C11orf65: variants seen among roughly 807,000 people sequenced by gnomAD.
C11orf65 encodes protein MFI.
A neutral mutation model predicts 35.3 loss-of-function variants in C11orf65; 38 were observed. That is an observed-to-expected ratio of 1.08 (90% CI 0.83 to 1.41). C11orf65 has a LOEUF of 1.41. Among genes scored for constraint, C11orf65 ranks in the 40% most tolerant of loss-of-function variants. The pLI, the probability that C11orf65 is intolerant of heterozygous loss-of-function variation, is 0.00. For synonymous variants in C11orf65, 105 were observed against 114.4 expected (o/e 0.92, Z 0.53); for missense variants, 370 against 367.1 (o/e 1.01, Z -0.06).
At chr11:108,332,127 G>A in intron 3 of C11orf65, 1 of 1,521,750 alleles carries the variant, frequency 6.6e-7, no homozygotes, top group Non-Finnish European at 8.9e-7. Flanking sequence ...TTATTAAGAT[G>A]CCATCTAAAA....
intron 6 of C11orf65, chr11:108,325,447 A>T (rs35118109): frequency 6.2e-7 from 1 of 1,613,838 alleles, no homozygotes; most frequent in Admixed American, 1.7e-5. Flanking sequence ...CTGATGGAAA[A>T]GGAAATGGAC....
At chr11:108,351,917 C>T (rs1044665832) in intron 2 of C11orf65, among the ~76,000 whole-genome samples, 20 of 152,056 alleles carry the variant, frequency 1.3e-4, no homozygotes, top group Non-Finnish European at 2.1e-4. Flanking sequence ...TGGACATATC[C>T]GGGGAACCTG....
At chr11:108,427,658 C>T (rs2092922991) in intron 3 of C11orf65, among the ~76,000 whole-genome samples, 1 of 111,804 alleles carries the variant, frequency 8.9e-6, no homozygotes, top group Non-Finnish European at 1.7e-5. Context: ...GGAGGCGGAG[C>T]TTGCAGTGAG....
At chr11:108,448,555 T>A (rs1039438562) in intron 2 of C11orf65, among the ~76,000 whole-genome samples, 2 of 152,042 alleles carry the variant, frequency 1.3e-5, no homozygotes, top group Non-Finnish European at 2.9e-5. Context: ...CTCAATAGAT[T>A]CAGAAAAGGC....
chr11:108,453,652 G>A (rs550996174), intron 2 of C11orf65, among the ~76,000 whole-genome samples: 1 of 152,270 alleles, frequency 6.6e-6, no homozygotes, highest in African/African-American at 2.4e-5. Flanking sequence ...TAAAATATAC[G>A]AAATATCTAT....
At chr11:108,386,959 T>C (rs757884155) in intron 7 of C11orf65, among the ~76,000 whole-genome samples, 1 of 151,670 alleles carries the variant, frequency 6.6e-6, no homozygotes, top group African/African-American at 2.4e-5. Context: ...TGCATGCCTG[T>C]AGTTTCAGCT....
At chr11:108,437,110 A>AAAAGG (rs35610227) in intron 2 of C11orf65, among the ~76,000 whole-genome samples, 6 of 101,916 alleles carry the variant, frequency 5.9e-5, no homozygotes, top group South Asian at 3.7e-4. Flanking sequence ...AAAAAAAAAA[A>AAAAGG]GGGGGGGGGT....
chr11:108,354,300 A>G (rs1002713284), intron 2 of C11orf65, among the ~76,000 whole-genome samples: 2 of 152,114 alleles, frequency 1.3e-5, no homozygotes, highest in African/African-American at 4.8e-5. Flanking sequence ...TTTACTTTTA[A>G]CACCTCTATC....
intron 3 of C11orf65, among the ~76,000 whole-genome samples, chr11:108,421,839 C>A (rs1340601928): frequency 2.0e-5 from 3 of 152,226 alleles, no homozygotes; most frequent in Non-Finnish European, 2.9e-5. Context: ...CTGCTTTCTT[C>A]AAGTTTAGTA....
At chr11:108,311,703 CAAAA>C (rs1215790496) in intron 6 of C11orf65, among the ~76,000 whole-genome samples, 1 of 114,288 alleles carries the variant, frequency 8.7e-6, no homozygotes, top group Non-Finnish European at 1.9e-5. Context: ...ATCTCATAAA[CAAAA>C]AAAAAAAAAT....
At chr11:108,361,522 G>GCAT (rs1422060579) in intron 2 of C11orf65, among the ~76,000 whole-genome samples, 1 of 151,984 alleles carries the variant, frequency 6.6e-6, no homozygotes, top group Non-Finnish European at 1.5e-5. Context: ...AAAGCTGGAG[G>GCAT]CATCACACTA....
intron 3 of C11orf65, among the ~76,000 whole-genome samples, chr11:108,421,299 GGA>G (rs1441114038): frequency 1.3e-5 from 2 of 152,160 alleles, no homozygotes; most frequent in Non-Finnish European, 2.9e-5. Flanking sequence ...GTGATGGCAT[GGA>G]GAGGTGTGAA....
chr11:108,365,433 G>C lies in C11orf65; in HGVS notation c.226+27775C>G, dbSNP rs1565609478. On this transcript the variant is annotated intron_variant, in intron 2 of 3. Coordinates refer to the C11orf65 transcript ENST00000524755. ...CTGTGCTCAGTGTTGGTGGACAAGT[G>C]AATTTGCTCATACAGCAGGCCATAG... 1 of 1,614,152 alleles carries C rather than the reference G, an allele frequency of 6.2e-7. No individual in the cohort carries two copies. The highest frequency in any genetic ancestry group is 1.3e-5 in the African/African-American group (1 of 75,042).
intron 6 of C11orf65, among the ~76,000 whole-genome samples, chr11:108,396,610 T>C (rs1333462880): frequency 6.6e-6 from 1 of 151,388 alleles, no homozygotes; most frequent in Non-Finnish European, 1.5e-5. Context: ...GGCGGGCGGA[T>C]CACGAGGTCA....
rs535930374 is a variant in C11orf65 at position 108,322,747 on chromosome 11, A to G, written c.641-13676T>C. On this transcript the variant is annotated intron_variant, in intron 6 of 6. Coordinates refer to the C11orf65 transcript ENST00000525729. ...TTCAAGTTTAAAAAATTCAGCTTAAAAGTGCTTTTCTCTTTATAACTTTTT... is the reference window on the plus strand; with the variant it reads ...TTCAAGTTTAAAAAATTCAGCTTAAGAGTGCTTTTCTCTTTATAACTTTTT... Among the ~76,000 whole-genome samples the G allele has an allele frequency of 2.8e-4, 43 of 152,172 alleles. No homozygotes were observed. In the East Asian group the frequency reaches 7.7e-3, roughly 27 times the overall value.
At chr11:108,445,563 TG>T (rs1317949618) in intron 2 of C11orf65, among the ~76,000 whole-genome samples, 110 of 152,274 alleles carry the variant, frequency 7.2e-4, no homozygotes, top group Non-Finnish European at 3.4e-4. Context: ...CTGAGGGTCC[TG>T]TCTGTCAGAA....
At chr11:108,461,646 G>C in intron 1 of C11orf65, 78 bp from the exon 2 acceptor site, 1 of 988,006 alleles carries the variant, frequency 1.0e-6, no homozygotes, top group Non-Finnish European at 1.5e-6. Context: ...ATTTTTTTTA[G>C]AGACACATTC....
intron 3 of C11orf65, among the ~76,000 whole-genome samples, chr11:108,427,952 T>C (rs537855414): frequency 0.013 from 1,723 of 128,466 alleles, 41 homozygotes; most frequent in African/African-American, 0.046. Context: ...TGCCTCAGCC[T>C]CCCAAGTAGC....
At chr11:108,467,353 G>A (rs1352418648) in intron 1 of C11orf65, 118 bp downstream of exon 1, 1 of 152,384 alleles carries the variant, frequency 6.6e-6, no homozygotes, top group African/African-American at 2.4e-5. Context: ...ATGGGGAATG[G>A]TATCAAGGGT....
Sources: gnomAD v4.1 joint callset for allele counts (sites outside exome capture counted in the v4.1 genomes callset) on GRCh38, gnomAD v4.1.1 for gene constraint, MANE v1.5 for transcripts, NCBI Gene and HGNC (gene_info 2026-07-23, HGNC 2026-07-21) for gene names.